Variants in TBC1D5 observed in about 807,000 individuals in gnomAD.
TBC1D5 encodes the protein TBC1 domain family, member 5.
Under a neutral mutation model 100.3 loss-of-function variants are expected in TBC1D5, and 75 were observed. The observed-to-expected ratio is 0.75, with a 90% CI of 0.62 to 0.91. TBC1D5 has a LOEUF of 0.91. TBC1D5 is among the 40% of genes least tolerant of loss of function. The pLI is 0.00. For missense variants in TBC1D5, 910 were observed against 942.4 expected (o/e 0.97, Z 0.45); for synonymous variants, 323 against 325.6 (o/e 0.99, Z 0.09).
At chr3:17,259,435 A>C (rs1359792165) in intron 15 of TBC1D5, among the ~76,000 whole-genome samples, 1 of 152,214 alleles carries the variant, frequency 6.6e-6, no homozygotes, top group South Asian at 2.1e-4. Flanking sequence ...TGTTTACAGC[A>C]TAATTTAAAT....
At chr3:17,160,236 T>C (rs1298525535) in exon 22 of TBC1D5, 1 of 152,242 alleles carries the variant, frequency 6.6e-6, no homozygotes, top group Non-Finnish European at 1.5e-5. Flanking sequence ...TGGCCAAAGT[T>C]GATATGGCCT....
In TBC1D5 at chr3:17,564,071, C is replaced by G. The variant is rs188868905; in HGVS notation, c.-35-55466G>C. 4.7e-3 allele frequency among the ~76,000 whole-genome samples: 717 copies of G among 152,250 alleles called. 5 individuals carry two copies. Among genetic ancestry groups the G allele is most frequent in the African/African-American group, 0.017 (686 of 41,542 alleles). On this transcript the variant is annotated intron_variant, in intron 2 of 21. Transcript: ENST00000253692. The stretch of plus-strand genomic sequence containing the variant: ...TGCTGGGATTACAGGCATGAGCCAC[C>G]GTGCCCGGCCTTACAGGTGATTTTT...
At chr3:17,194,579 G>T (rs1411791724) in intron 18 of TBC1D5, among the ~76,000 whole-genome samples, 10 of 152,142 alleles carry the variant, frequency 6.6e-5, no homozygotes, top group Non-Finnish European at 1.5e-4. Flanking sequence ...CAAAGGCTGT[G>T]TATTAAGTAT....
intron 13 of TBC1D5, among the ~76,000 whole-genome samples, chr3:17,322,117 A>C (rs1285574325): frequency 6.6e-6 from 1 of 152,210 alleles, no homozygotes; most frequent in Non-Finnish European, 1.5e-5. Context: ...TGATTAAAGA[A>C]AGATCTTCAT....
exon 1 of TBC1D5, chr3:17,739,457 T>A (rs761517459): frequency 6.6e-6 from 1 of 152,134 alleles, no homozygotes; most frequent in Non-Finnish European, 1.5e-5. Flanking sequence ...ACCCAGTCAA[T>A]CCCTAAACCT....
chr3:17,695,627 A>T (rs1014879645), intron 1 of TBC1D5, among the ~76,000 whole-genome samples: 1 of 152,022 alleles, frequency 6.6e-6, no homozygotes, highest in African/African-American at 2.4e-5. Context: ...AAAGAGACTT[A>T]GACTCCCACA....
intron 2 of TBC1D5, among the ~76,000 whole-genome samples, chr3:17,588,143 C>A (rs1238551470): frequency 6.6e-6 from 1 of 151,696 alleles, no homozygotes; most frequent in Non-Finnish European, 1.5e-5. Context: ...TAATTTTAGG[C>A]CAATTTTCAA....
chr3:17,269,325 G>C (rs1456880136), intron 15 of TBC1D5, among the ~76,000 whole-genome samples: 1 of 152,156 alleles, frequency 6.6e-6, no homozygotes, highest in African/African-American at 2.4e-5. Context: ...TACTCTTTCT[G>C]TGCTAACTCC....
At chr3:17,375,111 C>G (rs557909746) in intron 10 of TBC1D5, among the ~76,000 whole-genome samples, 1 of 152,232 alleles carries the variant, frequency 6.6e-6, no homozygotes, top group East Asian at 1.9e-4. Flanking sequence ...AGTGACAACA[C>G]CTCTTAAGCA....
chr3:17,525,937 A>G (rs1285560727), intron 2 of TBC1D5, among the ~76,000 whole-genome samples: 2 of 152,268 alleles, frequency 1.3e-5, no homozygotes, highest in African/African-American at 4.8e-5. Context: ...AGATTCTACT[A>G]ATCACTTTGT....
chr3:17,643,758 A>G (rs970821254), intron 1 of TBC1D5, among the ~76,000 whole-genome samples: 1 of 152,126 alleles, frequency 6.6e-6, no homozygotes, highest in African/African-American at 2.4e-5. Context: ...TCTGTGTTTG[A>G]GTAAGTCGCT....
At chr3:17,461,979 A>G (rs541183213) in intron 3 of TBC1D5, among the ~76,000 whole-genome samples, 1 of 152,210 alleles carries the variant, frequency 6.6e-6, no homozygotes, top group South Asian at 2.1e-4. Context: ...AATCTTTTCC[A>G]ATATCTCAGG....
intron 3 of TBC1D5, among the ~76,000 whole-genome samples, chr3:17,464,819 C>CTGG (rs1182417913): frequency 3.3e-5 from 5 of 151,918 alleles, no homozygotes; most frequent in African/African-American, 1.2e-4. Flanking sequence ...TTTTGTGTGG[C>CTGG]CCATGAGCTA....
At chr3:17,290,657 G>C (rs996671274) in intron 15 of TBC1D5, among the ~76,000 whole-genome samples, 1 of 152,090 alleles carries the variant, frequency 6.6e-6, no homozygotes, top group Non-Finnish European at 1.5e-5. Context: ...TTGTCATCTT[G>C]TGGGGTTTTT....
At chr3:17,619,526 AT>A (rs1486678944) in intron 2 of TBC1D5, among the ~76,000 whole-genome samples, 2 of 152,214 alleles carry the variant, frequency 1.3e-5, no homozygotes, top group African/African-American at 4.8e-5. Flanking sequence ...AGTTATAGTC[AT>A]TTTAAACAAT....
chr3:17,452,823 A>G (rs574714541), intron 3 of TBC1D5, among the ~76,000 whole-genome samples: 2 of 152,274 alleles, frequency 1.3e-5, no homozygotes, highest in African/African-American at 4.8e-5. Context: ...GACTCAACAG[A>G]TATTTACAGA....
chr3:17,544,457 C>T (rs2096392691), intron 2 of TBC1D5, among the ~76,000 whole-genome samples: 1 of 152,048 alleles, frequency 6.6e-6, no homozygotes, highest in Non-Finnish European at 1.5e-5. Flanking sequence ...TTGAGACCAG[C>T]CTGACCAACA....
At position 17,250,797 on chromosome 3, in the gene TBC1D5, C is replaced by G. The variant is rs2077109606; in HGVS notation, c.1331+7709G>C. Among the ~76,000 whole-genome samples, 4 of 152,176 alleles carry G rather than the reference C, an allele frequency of 2.6e-5. No homozygotes were observed. In the South Asian group the frequency reaches 8.3e-4, roughly 32 times the overall value. Reference sequence around the variant, plus strand: ...GTTTTGTGTTTCTTATAGAAATTCTCACTTCCTGATGTTATTTTTAGCTTT... The same window carrying G: ...GTTTTGTGTTTCTTATAGAAATTCTGACTTCCTGATGTTATTTTTAGCTTT... On this transcript the variant is annotated intron_variant, in intron 16 of 21. Transcript: ENST00000253692.
chr3:17,569,284 G>A (rs755240796), intron 2 of TBC1D5, among the ~76,000 whole-genome samples: 11 of 151,664 alleles, frequency 7.3e-5, no homozygotes, highest in East Asian at 1.9e-4. Flanking sequence ...TAAATCAGTC[G>A]ACTGGATGAT....
Sources: gnomAD v4.1 joint callset for allele counts (sites outside exome capture counted in the v4.1 genomes callset) on GRCh38, gnomAD v4.1.1 for gene constraint, MANE v1.5 for transcripts, NCBI Gene and HGNC (gene_info 2026-07-23, HGNC 2026-07-21) for gene names.